MCPH1: variants seen among roughly 807,000 people sequenced by gnomAD.
MCPH1 encodes the protein microcephalin 1, also known as microcephalin.
Under a neutral mutation model 84.5 loss-of-function variants are expected in MCPH1, and 104 were observed. The ratio of observed to expected loss-of-function variants is 1.23; its 90% CI spans 1.05 to 1.45. The LOEUF is 1.45. Ranked by LOEUF, MCPH1 falls within the 40% of genes most tolerant of loss-of-function variation. The probability of loss-of-function intolerance (pLI) is 0.00; values close to 1 mark genes in which losing one functional copy is unlikely to be tolerated. For missense variants in MCPH1, 1,498 were observed against 1,005.7 expected (o/e 1.49, Z -6.62); for synonymous variants, 514 against 366.8 (o/e 1.40, Z -4.58).
At chr8:6,575,922 A>G (rs1314530018) in intron 12 of MCPH1, among the ~76,000 whole-genome samples, 1 of 152,150 alleles carries the variant, frequency 6.6e-6, no homozygotes. Context: ...GGCTTCCAGA[A>G]GGAACCAACC....
chr8:6,631,763 T>A (rs1276202650), intron 13 of MCPH1, among the ~76,000 whole-genome samples: 1 of 152,000 alleles, frequency 6.6e-6, no homozygotes, highest in Non-Finnish European at 1.5e-5. Context: ...GTAGCCACGA[T>A]AGAAAACAGT....
chr8:6,577,960 CTT>C (rs1372807281), intron 12 of MCPH1, among the ~76,000 whole-genome samples: 12 of 152,186 alleles, frequency 7.9e-5, no homozygotes, highest in African/African-American at 2.9e-4. Flanking sequence ...GGTAGGTCCT[CTT>C]TGCTGTGTGC....
chr8:6,463,267 G>T (rs1403859804), intron 9 of MCPH1, among the ~76,000 whole-genome samples: 1 of 152,152 alleles, frequency 6.6e-6, no homozygotes, highest in Non-Finnish European at 1.5e-5. Flanking sequence ...CCGCTTGGGG[G>T]ATCTGCTTCC....
chr8:6,584,208 A>G (rs1827799473), intron 12 of MCPH1, among the ~76,000 whole-genome samples: 1 of 152,228 alleles, frequency 6.6e-6, no homozygotes, highest in South Asian at 2.1e-4. Context: ...CTTTAAAAAT[A>G]ACACTACAGA....
intron 8 of MCPH1, among the ~76,000 whole-genome samples, chr8:6,452,237 C>G (rs1194788439): frequency 6.6e-6 from 1 of 152,160 alleles, no homozygotes; most frequent in Non-Finnish European, 1.5e-5. Flanking sequence ...TCTTGCTTAT[C>G]TCTGTTGAGT....
chr8:6,603,945 G>A (rs1211497349), intron 12 of MCPH1, among the ~76,000 whole-genome samples: 1 of 151,672 alleles, frequency 6.6e-6, no homozygotes, highest in Non-Finnish European at 1.5e-5. Context: ...GAAGATATCA[G>A]AGTTATTTTT....
chr8:6,629,848 C>A (rs1014563250), intron 13 of MCPH1, among the ~76,000 whole-genome samples: 1 of 152,186 alleles, frequency 6.6e-6, no homozygotes, highest in Non-Finnish European at 1.5e-5. Flanking sequence ...CCAGTCCTGG[C>A]CCCTGATTTT....
intron 12 of MCPH1, among the ~76,000 whole-genome samples, chr8:6,620,648 A>C (rs191318893): frequency 6.6e-6 from 1 of 152,284 alleles, no homozygotes; most frequent in Non-Finnish European, 1.5e-5. Context: ...AAATACGCAA[A>C]ACAAAACGTG....
intron 12 of MCPH1, among the ~76,000 whole-genome samples, chr8:6,544,279 C>G (rs1208436120): frequency 6.6e-6 from 1 of 152,210 alleles, no homozygotes; most frequent in African/African-American, 2.4e-5. Flanking sequence ...CGTTCTACTT[C>G]TGTCTGTGGC....
intron 12 of MCPH1, among the ~76,000 whole-genome samples, chr8:6,611,255 C>A (rs895604551): frequency 5.9e-5 from 9 of 152,176 alleles, no homozygotes; most frequent in African/African-American, 9.7e-5. Flanking sequence ...ATTGTGGCAC[C>A]GCCTGCCTGG....
chr8:6,528,348 A>T (rs779921160), intron 12 of MCPH1, among the ~76,000 whole-genome samples: 3 of 152,196 alleles, frequency 2.0e-5, no homozygotes, highest in Non-Finnish European at 2.9e-5. Flanking sequence ...GGTGGAAAGT[A>T]TTTTCCCTTT....
intron 11 of MCPH1, among the ~76,000 whole-genome samples, chr8:6,498,957 C>G (rs988705049): frequency 2.6e-5 from 4 of 152,022 alleles, no homozygotes; most frequent in Admixed American, 6.6e-5. Context: ...GAGGCTGAGG[C>G]AGGAGAATTG....
At chr8:6,621,814 C>T (rs1831456474) in intron 13 of MCPH1, 123 bp downstream of exon 13, 2 of 1,285,382 alleles carry the variant, frequency 1.6e-6, no homozygotes, top group Admixed American at 1.7e-5. Context: ...GATGTCTCAG[C>T]CTCCAGCATC....
intron 1 of MCPH1, among the ~76,000 whole-genome samples, chr8:6,408,916 C>T (rs749087010): frequency 4.0e-5 from 6 of 148,632 alleles, no homozygotes; most frequent in South Asian, 2.1e-4. Flanking sequence ...AAACGGGTCT[C>T]GCCCTGTCAC....
intron 12 of MCPH1, among the ~76,000 whole-genome samples, chr8:6,598,138 G>A (rs1024713017): frequency 2.0e-5 from 3 of 152,212 alleles, no homozygotes; most frequent in African/African-American, 7.2e-5. Flanking sequence ...GAGGCAGGAA[G>A]GAGGAAAGGG....
At chr8:6,475,494 C>G (rs1251808571) in intron 9 of MCPH1, among the ~76,000 whole-genome samples, 2 of 152,204 alleles carry the variant, frequency 1.3e-5, no homozygotes, top group East Asian at 3.9e-4. Context: ...CGGGGAAAAC[C>G]CAGGTAGCCT....
At chr8:6,449,650 A>G (rs541720098) in intron 8 of MCPH1, among the ~76,000 whole-genome samples, 93 of 152,220 alleles carry the variant, frequency 6.1e-4, no homozygotes, top group African/African-American at 2.2e-3. Flanking sequence ...AAAAAAAAAA[A>G]AAGAAATAGG....
At chr8:6,496,881 C>A (rs1174958959) in intron 11 of MCPH1, among the ~76,000 whole-genome samples, 3 of 152,118 alleles carry the variant, frequency 2.0e-5, no homozygotes, top group South Asian at 4.1e-4. Context: ...GCCTTCCCCA[C>A]CCCACCCCCA....
chr8:6,635,975 T>C (rs942931710), intron 13 of MCPH1, among the ~76,000 whole-genome samples: 1 of 152,248 alleles, frequency 6.6e-6, no homozygotes, highest in African/African-American at 2.4e-5. Flanking sequence ...ATGGCATGTC[T>C]TATTTTTTAC....
Sources: gnomAD v4.1 joint callset for allele counts (sites outside exome capture counted in the v4.1 genomes callset) on GRCh38, gnomAD v4.1.1 for gene constraint, MANE v1.5 for transcripts, NCBI Gene and HGNC (gene_info 2026-07-23, HGNC 2026-07-21) for gene names.